Variants in PKP1 observed in about 807,000 individuals in gnomAD.
PKP1 encodes plakophilin 1, also known as plakophilin-1.
In PKP1, 27 loss-of-function variants were observed where a neutral mutation model predicts 76.4. The observed-to-expected ratio is 0.35, with a 90% CI of 0.26 to 0.49. PKP1 has a LOEUF of 0.49. Ranked by LOEUF, PKP1 falls within the 20% of genes least tolerant of loss-of-function variation. The probability of loss-of-function intolerance (pLI) is 0.99; values close to 1 mark genes in which losing one functional copy is unlikely to be tolerated. For missense variants in PKP1, 964 were observed against 955.2 expected, an observed-to-expected ratio of 1.01 and a Z score of -0.12; for synonymous variants, 404 against 384.2, an observed-to-expected ratio of 1.05 and a Z score of -0.60.
intron 1 of PKP1, among the ~76,000 whole-genome samples, chr1:201,289,288 AAG>A (rs777808110): frequency 2.0e-5 from 3 of 152,234 alleles, no homozygotes; most frequent in Admixed American, 1.3e-4. Context: ...CCATGGGTGA[AAG>A]AGATTTCAGA....
chr1:201,288,752 G>A (rs903470108), intron 1 of PKP1, among the ~76,000 whole-genome samples: 14 of 151,296 alleles, frequency 9.3e-5, no homozygotes, highest in South Asian at 8.5e-4. Context: ...GCCCCCTCAC[G>A]CCCATCCTGT....
chr1:201,305,516 G>A (rs1357774629), intron 2 of PKP1, among the ~76,000 whole-genome samples: 1 of 152,218 alleles, frequency 6.6e-6, no homozygotes, highest in Non-Finnish European at 1.5e-5. Flanking sequence ...TCTTAAACAA[G>A]CAAACAAACA....
rs113552519 is a variant in PKP1 at position 201,285,168 on chromosome 1, C to G, written c.202+1264C>G. Among the ~76,000 whole-genome samples, 386 of 151,052 alleles carry G rather than the reference C, an allele frequency of 2.6e-3. 2 individuals carry two copies. The highest frequency in any genetic ancestry group is 8.8e-3 in the African/African-American group (362 of 41,184). On this transcript the variant is annotated intron_variant, in intron 1 of 13. Coordinates refer to ENST00000367324, the MANE Select transcript of PKP1 (RefSeq NM_001005337.3). ...ACAGGCCTTAGGAGAGAGTGAGGGG[C>G]AGGGGGTAATAAGGTGGAAGGAGAC...
At chr1:201,313,947 G>A (rs960085283) in intron 3 of PKP1, among the ~76,000 whole-genome samples, 13 of 152,156 alleles carry the variant, frequency 8.5e-5, no homozygotes, top group Non-Finnish European at 1.0e-4. Flanking sequence ...CTGGGAGAGG[G>A]GCCCAGCAAT....
At chr1:201,312,917 A>G (rs1656602393) in intron 2 of PKP1, among the ~76,000 whole-genome samples, 1 of 152,208 alleles carries the variant, frequency 6.6e-6, no homozygotes, top group African/African-American at 2.4e-5. Context: ...AGGATATATT[A>G]TTCTATTCCA....
intron 2 of PKP1, among the ~76,000 whole-genome samples, chr1:201,312,318 G>T (rs1174431375): frequency 6.6e-6 from 1 of 152,180 alleles, no homozygotes; most frequent in Admixed American, 6.5e-5. Context: ...AAGTTTCTGT[G>T]TGCTGAGTAT....
chr1:201,307,809 T>C (rs1283781099), intron 2 of PKP1, among the ~76,000 whole-genome samples: 1 of 152,188 alleles, frequency 6.6e-6, no homozygotes, highest in African/African-American at 2.4e-5. Flanking sequence ...CAGCAAGCCC[T>C]CACCAGGCCT....
chr1:201,318,895 C>T (rs1194419610), intron 6 of PKP1, 100 bp downstream of exon 6: 1 of 1,011,140 alleles, frequency 9.9e-7, no homozygotes, highest in Non-Finnish European at 1.5e-6. Context: ...TAGAACATAA[C>T]AGACAACCCG....
intron 3 of PKP1, 25 bp downstream of exon 3, chr1:201,313,585 G>A (rs1656634732): frequency 1.2e-6 from 2 of 1,602,958 alleles, no homozygotes; most frequent in African/African-American, 1.3e-5. Context: ...GCTGGGTTGG[G>A]GAGCCAGGAG....
chr1:201,328,744 C>A lies in PKP1; in HGVS notation c.2107-18C>A. ...CACACAGTTTTGTGTCATTTGGTTG[C>A]TGTTTCTCCCTTTGCAGCAAGGTTT... is the stretch of plus-strand genomic sequence containing the variant. On this transcript the variant is annotated intron_variant, in intron 12 of 13. Coordinates refer to ENST00000367324, the MANE Select transcript of PKP1 (RefSeq NM_001005337.3). 1 of 1,612,850 alleles carries A rather than the reference C, an allele frequency of 6.2e-7. No individual in the cohort carries two copies. Among genetic ancestry groups the A allele is most frequent in the Non-Finnish European group, 8.5e-7 (1 of 1,178,776 alleles).
chr1:201,289,337 T>C (rs1428340012), intron 1 of PKP1, among the ~76,000 whole-genome samples: 1 of 152,198 alleles, frequency 6.6e-6, no homozygotes, highest in African/African-American at 2.4e-5. Flanking sequence ...TAAAAGAAAA[T>C]GAGCTTCCTT....
At chr1:201,316,824 G>C in intron 4 of PKP1, 127 bp downstream of exon 4, 2 of 1,011,744 alleles carry the variant, frequency 2.0e-6, no homozygotes, top group African/African-American at 1.6e-5. Flanking sequence ...CAGCTGCCAG[G>C]AGCCTTCGCA....
intron 4 of PKP1, among the ~76,000 whole-genome samples, chr1:201,316,953 C>T (rs959864070): frequency 3.3e-5 from 5 of 152,214 alleles, no homozygotes; most frequent in African/African-American, 9.6e-5. Context: ...ATGCCAGCCA[C>T]GGGTTCAACA....
intron 12 of PKP1, among the ~76,000 whole-genome samples, chr1:201,326,435 T>A (rs1657129112): frequency 6.6e-6 from 1 of 152,180 alleles, no homozygotes; most frequent in South Asian, 2.1e-4. Flanking sequence ...TCCTCTAGGG[T>A]ATAAGGTCTT....
rs752406228 is a variant in PKP1 at position 201,324,451 on chromosome 1, G to C, written c.1704G>C (p.Leu568Phe). 6.8e-6 allele frequency: 11 copies of C among 1,614,036 alleles called. No homozygotes were observed. In the African/African-American group the frequency reaches 1.5e-4, roughly 22 times the overall value. ...KGLMSSGMSQ[L>F]IGLKEKGLPQ... ...AGATGTCCAGTGGCATGAGCCAGTTGATTGGGCTGAAGGAAAAGGGCCTGC... is the reference window on the plus strand; with the variant it reads ...AGATGTCCAGTGGCATGAGCCAGTTCATTGGGCTGAAGGAAAAGGGCCTGC... The change falls in exon 10 of 14, where the codon TTG becomes TTC. Residue 568 changes from leucine to phenylalanine, a missense_variant. By Grantham distance (22) the Leu-to-Phe change is conservative. Transcript: ENST00000367324.
chr1:201,284,821 G>C (rs550915552), intron 1 of PKP1, among the ~76,000 whole-genome samples: 1 of 152,218 alleles, frequency 6.6e-6, no homozygotes, highest in South Asian at 2.1e-4. Context: ...AACCCTCACG[G>C]GCACTTTTCC....
At chr1:201,325,638 C>T (rs1657096216) in intron 11 of PKP1, 116 bp from the exon 12 acceptor site, 1 of 805,352 alleles carries the variant, frequency 1.2e-6, no homozygotes, top group Non-Finnish European at 2.2e-6. Context: ...CACCTGAGGC[C>T]TCCTCTGAGG....
chr1:201,299,019 T>C (rs756277698), intron 2 of PKP1, among the ~76,000 whole-genome samples: 1 of 152,156 alleles, frequency 6.6e-6, no homozygotes, highest in Non-Finnish European at 1.5e-5. Flanking sequence ...GTCACAGCCA[T>C]GCTAATCGAG....
At chr1:201,289,688 GCACA>G (rs3057891) in intron 1 of PKP1, among the ~76,000 whole-genome samples, 7,973 of 144,930 alleles carry the variant, frequency 0.055, 199 homozygotes, top group Middle Eastern at 0.072. Context: ...TGGGAGGAGT[GCACA>G]CACACACACA....
Sources: allele counts gnomAD v4.1 joint callset (sites outside exome capture counted in the v4.1 genomes callset), GRCh38; gene constraint gnomAD v4.1.1; transcripts MANE v1.5; gene names NCBI Gene and HGNC (gene_info 2026-07-23, HGNC 2026-07-21).